MYO10: variants seen among roughly 807,000 people sequenced by gnomAD.
MYO10 encodes the protein unconventional myosin-X.
In MYO10, 133 loss-of-function variants were observed where a neutral mutation model predicts 257.3. The ratio of observed to expected loss-of-function variants is 0.52; its 90% CI spans 0.45 to 0.60. MYO10 has a LOEUF of 0.60. Ranked by LOEUF, MYO10 falls within the 20% of genes least tolerant of loss-of-function variation. The probability of loss-of-function intolerance (pLI) is 0.00; values close to 1 mark genes in which losing one functional copy is unlikely to be tolerated. For missense variants in MYO10, 2,399 were observed against 2,635.7 expected, an observed-to-expected ratio of 0.91 and a Z score of 1.97; for synonymous variants, 1,104 against 1,028.6, an observed-to-expected ratio of 1.07 and a Z score of -1.40.
intron 1 of MYO10, among the ~76,000 whole-genome samples, chr5:16,906,896 G>A (rs932494412): frequency 6.6e-6 from 1 of 152,148 alleles, no homozygotes; most frequent in African/African-American, 2.4e-5. Context: ...TGGATCACCT[G>A]AGGTCAGGAG....
chr5:16,716,298 C>T (rs1738869305), intron 19 of MYO10, among the ~76,000 whole-genome samples: 1 of 151,948 alleles, frequency 6.6e-6, no homozygotes, highest in Admixed American at 6.6e-5. Flanking sequence ...GCACACTAAA[C>T]CCTCTACAAA....
chr5:16,877,984 G>C (rs1744653728), intron 1 of MYO10, among the ~76,000 whole-genome samples: 1 of 152,146 alleles, frequency 6.6e-6, no homozygotes, highest in African/African-American at 2.4e-5. Flanking sequence ...GATTTAGGTG[G>C]ATTACGTCAT....
intron 2 of MYO10, 86 bp downstream of exon 2, chr5:16,877,523 T>C (rs1023943355): frequency 1.1e-5 from 11 of 995,044 alleles, no homozygotes; most frequent in Admixed American, 2.0e-5. Flanking sequence ...TGTGTATGTG[T>C]AGGGGGGCCA....
intron 3 of MYO10, 87 bp from the exon 4 acceptor site, chr5:16,794,920 G>A (rs1741891219): frequency 2.1e-6 from 2 of 969,222 alleles, no homozygotes; most frequent in Non-Finnish European, 1.3e-6. Flanking sequence ...GTGTGCGCCA[G>A]GGGGAAAGAC....
At chr5:16,866,090 CA>C (rs1202430577) in intron 2 of MYO10, among the ~76,000 whole-genome samples, 3 of 147,378 alleles carry the variant, frequency 2.0e-5, no homozygotes, top group South Asian at 4.3e-4. Context: ...AGCTCTAGTC[CA>C]AAAAAAATTG....
At chr5:16,678,538 C>A (rs1164540787) in intron 33 of MYO10, among the ~76,000 whole-genome samples, 1 of 152,236 alleles carries the variant, frequency 6.6e-6, no homozygotes, top group Non-Finnish European at 1.5e-5. Flanking sequence ...TGAGATCGCA[C>A]TACCGCACTC....
intron 1 of MYO10, among the ~76,000 whole-genome samples, chr5:16,881,757 C>G (rs908887316): frequency 2.0e-5 from 3 of 152,090 alleles, no homozygotes; most frequent in Admixed American, 2.0e-4. Context: ...ACACATGTGC[C>G]CAGGTCCGAA....
chr5:16,927,481 C>T lies in MYO10; in HGVS notation c.21+8307G>A, dbSNP rs574398113. Among the ~76,000 whole-genome samples the T allele has an allele frequency of 2.0e-4, 30 of 152,228 alleles. 1 individual carries two copies. Among genetic ancestry groups the T allele is most frequent in the East Asian group, 1.2e-3 (6 of 5,170 alleles). On this transcript the variant is annotated intron_variant, in intron 1 of 40. Coordinates refer to ENST00000513610, the MANE Select transcript of MYO10 (RefSeq NM_012334.3). The stretch of plus-strand genomic sequence containing the variant: ...CTGGGACTACAGGTGCCAGCCACCA[C>T]GCCCAGCTAGTTTTTTGTATTTTTA...
Position 16,690,036 on chromosome 5 carries a change from G to A in MYO10, c.3801-117C>T, listed in dbSNP as rs923214135. 7.2e-5 allele frequency: 53 copies of A among 738,268 alleles called. 1 individual carries two copies. Among genetic ancestry groups the A allele is most frequent in the Middle Eastern group, 2.3e-4 (1 of 4,318 alleles). 45.7% of individuals were successfully genotyped at this position (738,268 alleles called of 1,614,324 possible). On this transcript the variant is annotated intron_variant, in intron 27 of 40. Coordinates refer to ENST00000513610, the MANE Select transcript of MYO10 (RefSeq NM_012334.3). The stretch of plus-strand genomic sequence containing the variant: ...GGGAACTGTCTGTTACTGACGAAAC[G>A]GTACACAGTTGGCTCTCCATATCTG...
chr5:16,671,099 G>A (rs1424889255), intron 38 of MYO10, 121 bp from the exon 39 acceptor site: 3 of 956,490 alleles, frequency 3.1e-6, no homozygotes, highest in African/African-American at 1.7e-5. Context: ...GACTGCCCTG[G>A]CTAAAACTGT....
intron 18 of MYO10, among the ~76,000 whole-genome samples, chr5:16,757,474 GA>G (rs1228979628): frequency 6.6e-6 from 1 of 152,006 alleles, no homozygotes; most frequent in Non-Finnish European, 1.5e-5. Context: ...TAACCAGGGG[GA>G]AAAAACATCC....
At chr5:16,853,620 CTT>C (rs947313928) in intron 2 of MYO10, among the ~76,000 whole-genome samples, 20 of 152,202 alleles carry the variant, frequency 1.3e-4, no homozygotes, top group Non-Finnish European at 2.6e-4. Flanking sequence ...TGGCATTACT[CTT>C]TTCCCAGACA....
At chr5:16,789,107 T>G (rs1741678207) in intron 4 of MYO10, among the ~76,000 whole-genome samples, 1 of 152,216 alleles carries the variant, frequency 6.6e-6, no homozygotes. Flanking sequence ...CCAGCCCATG[T>G]GTCAGCAAAC....
chr5:16,783,226 A>C, intron 5 of MYO10, 109 bp downstream of exon 5: 4 of 1,104,608 alleles, frequency 3.6e-6, no homozygotes, highest in Non-Finnish European at 5.0e-6. Context: ...GTAAAAGAGA[A>C]GTCAAGAAAA....
chr5:16,888,542 C>T (rs1351839241), intron 1 of MYO10, among the ~76,000 whole-genome samples: 1 of 151,610 alleles, frequency 6.6e-6, no homozygotes, highest in South Asian at 2.1e-4. Flanking sequence ...TTGTGGTGAG[C>T]CGAAATTGCG....
intron 33 of MYO10, among the ~76,000 whole-genome samples, chr5:16,676,598 C>T (rs1220898404): frequency 6.6e-6 from 1 of 152,150 alleles, no homozygotes; most frequent in Non-Finnish European, 1.5e-5. Context: ...TAGCTGTAAT[C>T]TCAGCTACTC....
intron 27 of MYO10, among the ~76,000 whole-genome samples, 196 bp downstream of exon 27, chr5:16,694,175 G>A (rs1737628072): frequency 6.6e-6 from 1 of 152,214 alleles, no homozygotes; most frequent in Admixed American, 6.5e-5. Context: ...ATGTCTGAGT[G>A]TAATCACAAA....
chr5:16,761,535 A>T lies in MYO10; in HGVS notation c.1668T>A (p.Asp556Glu). 1 of 1,612,492 alleles carries T rather than the reference A, an allele frequency of 6.2e-7. No homozygotes were observed. Among genetic ancestry groups the T allele is most frequent in the Non-Finnish European group, 8.5e-7 (1 of 1,178,708 alleles). Residue 556 changes from aspartate to glutamate, a missense_variant, in exon 17 of 41, where the codon GAT (aspartate) becomes GAA (glutamate). Coordinates refer to ENST00000513610, the MANE Select transcript of MYO10 (RefSeq NM_012334.3). ...VKHYAGEVQY[D>E]VRGILEKNRD... ...TGTTCTTCTCCAAGATACCTCGGACATCATATTGCACCTAGTTTTAATAAA... is the reference window on the plus strand; with the variant it reads ...TGTTCTTCTCCAAGATACCTCGGACTTCATATTGCACCTAGTTTTAATAAA...
At chr5:16,788,045 C>T (rs576514908) in intron 4 of MYO10, among the ~76,000 whole-genome samples, 39 of 152,292 alleles carry the variant, frequency 2.6e-4, no homozygotes, top group Admixed American at 1.3e-4. Context: ...CTACCCGCCT[C>T]GGCCTCCCAA....
Sources: gnomAD v4.1 joint callset for allele counts (sites outside exome capture counted in the v4.1 genomes callset) on GRCh38, gnomAD v4.1.1 for gene constraint, MANE v1.5 for transcripts, NCBI Gene and HGNC (gene_info 2026-07-23, HGNC 2026-07-21) for gene names.